The following ZCCHC9 variants were observed in gnomAD, a reference collection of about 807,000 sequenced individuals.
ZCCHC9 encodes zinc finger CCHC-type containing 9, also known as zinc finger CCHC domain-containing protein 9.
A neutral mutation model predicts 30.8 loss-of-function variants in ZCCHC9; 18 were observed. The ratio of observed to expected loss-of-function variants is 0.58; its 90% CI spans 0.40 to 0.87. The LOEUF is 0.87. Among genes scored for constraint, ZCCHC9 ranks in the 40% least tolerant of loss-of-function variants. The probability of loss-of-function intolerance (pLI) is 0.00; values close to 1 mark genes in which losing one functional copy is unlikely to be tolerated. For synonymous variants in ZCCHC9, 94 were observed against 106.7 expected, an observed-to-expected ratio of 0.88 and a Z score of 0.73; for missense variants, 279 against 331.2, an observed-to-expected ratio of 0.84 and a Z score of 1.22.
At chr5:81,311,691 C>T (rs1327023777) in intron 5 of ZCCHC9, among the ~76,000 whole-genome samples, 3 of 152,144 alleles carry the variant, frequency 2.0e-5, no homozygotes, top group Admixed American at 2.0e-4. Context: ...CTAAAAGATT[C>T]AGAGTTGATT....
At chr5:81,311,133 A>G in intron 4 of ZCCHC9, 78 bp from the exon 5 acceptor site, 1 of 1,427,596 alleles carries the variant, frequency 7.0e-7, no homozygotes, top group Non-Finnish European at 9.9e-7. Context: ...GGATCCAGTA[A>G]GATGTGAAAG....
intron 2 of ZCCHC9, 122 bp from the exon 3 acceptor site, chr5:81,308,439 T>G: frequency 7.9e-6 from 10 of 1,261,630 alleles, no homozygotes; most frequent in African/African-American, 1.5e-5. Context: ...CTACAAATAT[T>G]GAGATTTCAG....
chr5:81,305,983 T>C (rs978013882), intron 2 of ZCCHC9, among the ~76,000 whole-genome samples: 4 of 152,198 alleles, frequency 2.6e-5, no homozygotes, highest in Non-Finnish European at 5.9e-5. Context: ...TTGAAAGTCC[T>C]TGAGACTCCC....
intron 3 of ZCCHC9, 82 bp downstream of exon 3, chr5:81,308,793 G>C: frequency 6.6e-7 from 1 of 1,516,576 alleles, no homozygotes; most frequent in Non-Finnish European, 8.8e-7. Flanking sequence ...AACACAATTT[G>C]TTACGAGTGT....
rs1004949882 is a variant in ZCCHC9, at chr5:81,301,707, C to T, written c.-18+9C>T. ...CGCGGTAGCGCGGTGAGGTGAGGTT[C>T]TCAGCCACCAAAGCTGCAGGGTCTC... On this transcript the variant is annotated intron_variant, in intron 1 of 5. Coordinates refer to ENST00000407610, the MANE Select transcript of ZCCHC9 (RefSeq NM_001131035.2). The T allele has an allele frequency of 6.6e-6, 1 of 152,528 alleles. No homozygotes were observed. The highest frequency in any genetic ancestry group is 1.5e-5 in the Non-Finnish European group (1 of 68,284). 9.4% of individuals were successfully genotyped at this position (152,528 alleles called of 1,614,324 possible).
Position 81,304,809 on chromosome 5 carries a change from G to T in ZCCHC9, c.52G>T (p.Ala18Ser). ...STTYNKRPLP[A>S]TSWEDMKKGS... The stretch of plus-strand genomic sequence containing the variant: ...CACATATAACAAGAGACCCTTGCCT[G>T]CAACATCATGGGAGGACATGAAGAA... Residue 18 changes from alanine (A) to serine (S), a missense_variant, in exon 2 of 6, where the codon GCA becomes TCA. By Grantham distance (99) the Ala-to-Ser change is moderately conservative (BLOSUM62 1). Coordinates refer to ENST00000407610, the MANE Select transcript of ZCCHC9 (RefSeq NM_001131035.2). 1 of 1,612,302 alleles carries T rather than the reference G, an allele frequency of 6.2e-7. No individual in the cohort carries two copies. The highest frequency in any genetic ancestry group is 8.5e-7 in the Non-Finnish European group (1 of 1,179,608).
chr5:81,309,192 G>C, intron 4 of ZCCHC9, 154 bp downstream of exon 4: 1 of 524,712 alleles, frequency 1.9e-6, no homozygotes, highest in Non-Finnish European at 3.2e-6. Context: ...ATATGTACTA[G>C]GCTTTTTGTG....
At chr5:81,301,995 C>T (rs901295659) in intron 1 of ZCCHC9, 1 of 152,270 alleles carries the variant, frequency 6.6e-6, no homozygotes, top group Non-Finnish European at 1.5e-5. Flanking sequence ...AATCTACTTC[C>T]TTTTGAACAG....
At chr5:81,304,573 T>C (rs1033959046) in intron 1 of ZCCHC9, 168 bp from the exon 2 acceptor site, 12 of 508,656 alleles carry the variant, frequency 2.4e-5, no homozygotes, top group Non-Finnish European at 3.6e-5. Context: ...CAGCATATTA[T>C]AGCATTAAAT....
At chr5:81,308,022 A>AATCTATCTATCTATCT (rs1554049990) in intron 2 of ZCCHC9, among the ~76,000 whole-genome samples, 6,232 of 68,092 alleles carry the variant, frequency 0.092, 370 homozygotes, top group East Asian at 0.21. Context: ...AAAAAAAAAA[A>AATCTATCTATCTATCT]ATCTATCTAT....
In ZCCHC9 at chr5:81,305,381, C is replaced by T. The variant is rs371057569; in HGVS notation, c.384+240C>T. ...ATTCCCATATTATGGATGGCAAACA[C>T]TGAAGTGCAGATAGATTAAATAACC... On this transcript the variant is annotated intron_variant, in intron 2 of 5. Coordinates refer to ENST00000407610, the MANE Select transcript of ZCCHC9 (RefSeq NM_001131035.2). 7.4e-4 allele frequency among the ~76,000 whole-genome samples: 113 copies of T among 152,258 alleles called. 1 individual carries two copies. In the South Asian group the frequency reaches 0.023, roughly 31 times the overall value.
chr5:81,302,703 G>C (rs1757991455), intron 1 of ZCCHC9: 1 of 152,172 alleles, frequency 6.6e-6, no homozygotes, highest in South Asian at 2.1e-4. Flanking sequence ...AGGATGGTGT[G>C]TATCTAAACA....
intron 3 of ZCCHC9, 106 bp from the exon 4 acceptor site, chr5:81,308,840 T>C (rs1418665910): frequency 1.4e-6 from 2 of 1,383,886 alleles, no homozygotes; most frequent in Non-Finnish European, 1.9e-6. Context: ...AGATTAAATT[T>C]TAAGTTATGT....
At position 81,304,904 on chromosome 5, in the gene ZCCHC9, C is replaced by T. The variant is rs1758046556; in HGVS notation, c.147C>T (p.Leu49=). Residue 49 remains leucine, a synonymous_variant, in exon 2 of 6, where the codon CTC becomes CTT. Transcript: ENST00000407610. ...AACTTGAAGCCAATAGGCTATCCCT[C>T]AAAAATGATGCACCCCAAGCAAAAC... The part of the protein sequence containing the change: ...RKQLEANRLS[L]KNDAPQAKHK... The T allele has an allele frequency of 6.2e-7, 1 of 1,613,742 alleles. No homozygotes were observed. The highest frequency in any genetic ancestry group is 1.3e-5 in the African/African-American group (1 of 74,830).
rs1554049990 is a variant in ZCCHC9, at chr5:81,308,022, AATCT to A, written c.385-506_385-503del. On this transcript the variant is annotated intron_variant, in intron 2 of 5. Transcript: ENST00000407610. ...AAAAAAAAAAAAAAAAAAAAAAAAA[AATCT>A]ATCTATCTATCTATCTATCTATCTA... 1.5e-3 allele frequency among the ~76,000 whole-genome samples: 100 copies of A among 68,342 alleles called. 1 individual carries two copies. The highest frequency in any genetic ancestry group is 2.2e-3 in the South Asian group (4 of 1,796). 44.8% of individuals were successfully genotyped at this position (68,342 alleles called of 152,430 possible).
intron 4 of ZCCHC9, 75 bp downstream of exon 4, chr5:81,309,113 A>C: frequency 9.0e-7 from 1 of 1,115,732 alleles, no homozygotes. Flanking sequence ...ACTCAATCAC[A>C]GTTCTTGAAT....
chr5:81,310,929 A>G (rs971386648), intron 4 of ZCCHC9, among the ~76,000 whole-genome samples: 1 of 152,212 alleles, frequency 6.6e-6, no homozygotes, highest in Non-Finnish European at 1.5e-5. Flanking sequence ...GCTTCTGTGC[A>G]ATAGCTCTTG....
Position 81,308,996 on chromosome 5 carries a change from T to A in ZCCHC9, c.586T>A (p.Ser196Thr). 1 of 1,613,392 alleles carries A rather than the reference T, an allele frequency of 6.2e-7. No homozygotes were observed. Among genetic ancestry groups the A allele is most frequent in the South Asian group, 1.1e-5 (1 of 90,874 alleles). ...TGTTTGTGGAGAAATGGGGCACCTG[T>A]CTAGATCTTGTCCTGATAATCCCAA... is the stretch of plus-strand genomic sequence containing the variant. The part of the protein sequence containing the change: ...CFVCGEMGHL[S>T]RSCPDNPKGL... The change falls in exon 4 of 6, where the codon TCT becomes ACT. Residue 196 changes from serine to threonine, a missense_variant. Ser to Thr is a moderately conservative substitution (Grantham distance 58, BLOSUM62 1). Transcript: ENST00000407610.
chr5:81,312,564 C>G lies in ZCCHC9; in HGVS notation c.718C>G (p.Arg240Gly), dbSNP rs139056133. 3 of 1,613,426 alleles carry G rather than the reference C, an allele frequency of 1.9e-6. No individual in the cohort carries two copies. In the African/African-American group the frequency reaches 4.0e-5, roughly 22 times the overall value. Residue 240 changes from arginine (R) to glycine (G), a missense_variant, in exon 6 of 6, where the codon CGC becomes GGC. Transcript: ENST00000407610. ...QNSERMVTVG[R>G]WAKGMSADYE... Reference sequence around the variant, plus strand: ...TACAGAGCGAATGGTCACAGTTGGTCGCTGGGCAAAGGGAATGAGTGCAGA... The same window carrying G: ...TACAGAGCGAATGGTCACAGTTGGTGGCTGGGCAAAGGGAATGAGTGCAGA...
Sources: gnomAD v4.1 joint callset for allele counts (sites outside exome capture counted in the v4.1 genomes callset) on GRCh38, gnomAD v4.1.1 for gene constraint, MANE v1.5 for transcripts, NCBI Gene and HGNC (gene_info 2026-07-23, HGNC 2026-07-21) for gene names.